FGF12: variants seen among roughly 807,000 people sequenced by gnomAD.
FGF12 encodes the protein fibroblast growth factor 12, also known as fibroblast growth factor 12B.
In FGF12, 14 loss-of-function variants were observed where a neutral mutation model predicts 23.6. The ratio of observed to expected loss-of-function variants is 0.59; its 90% CI spans 0.39 to 0.93. The LOEUF (loss-of-function observed/expected upper bound fraction) is 0.93, where lower values mean the gene tolerates loss of function less well. Among genes scored for constraint, FGF12 ranks in the 40% least tolerant of loss-of-function variants. FGF12 has a pLI of 0.00. For missense variants in FGF12, 175 were observed against 217.8 expected, an observed-to-expected ratio of 0.80 and a Z score of 1.24; for synonymous variants, 62 against 77.3, an observed-to-expected ratio of 0.80 and a Z score of 1.04.
chr3:192,164,153 A>G (rs909983920), intron 5 of FGF12, among the ~76,000 whole-genome samples: 6 of 152,086 alleles, frequency 3.9e-5, no homozygotes, highest in Non-Finnish European at 7.4e-5. Context: ...GTTCTTTGTC[A>G]AAGAGTATTT....
rs549627337 is a variant in FGF12, at chr3:192,161,376, A to G, written c.427+9082T>C. Among the ~76,000 whole-genome samples the G allele has an allele frequency of 3.9e-4, 60 of 152,252 alleles. No individual in the cohort carries two copies. The South Asian group carries it at 0.012, about 31-fold the overall frequency. The stretch of plus-strand genomic sequence containing the variant: ...ATGAGAAATACCCGGATGTTCTAAG[A>G]ATACACATTTGTATCTATGTCTTGC... On this transcript the variant is annotated intron_variant, in intron 5 of 5. Transcript: ENST00000445105.
intron 2 of FGF12, among the ~76,000 whole-genome samples, chr3:192,720,633 C>A (rs1003434565): frequency 6.6e-6 from 1 of 152,162 alleles, no homozygotes; most frequent in Non-Finnish European, 1.5e-5. Flanking sequence ...TATCTATTTT[C>A]AATCCCAAGT....
chr3:192,407,328 G>A (rs1721003547), intron 2 of FGF12, among the ~76,000 whole-genome samples: 1 of 152,164 alleles, frequency 6.6e-6, no homozygotes, highest in Non-Finnish European at 1.5e-5. Flanking sequence ...AGTGTGCTAA[G>A]TATGGTAATA....
intron 2 of FGF12, among the ~76,000 whole-genome samples, chr3:192,713,916 T>G (rs1718776704): frequency 6.6e-6 from 1 of 152,208 alleles, no homozygotes; most frequent in South Asian, 2.1e-4. Context: ...TACACTGAGC[T>G]ACAACTAAAG....
intron 2 of FGF12, among the ~76,000 whole-genome samples, chr3:192,643,797 C>G (rs1167361001): frequency 6.6e-6 from 1 of 152,144 alleles, no homozygotes; most frequent in Non-Finnish European, 1.5e-5. Flanking sequence ...AGGGAAACTT[C>G]TTGGCATCTG....
intron 2 of FGF12, among the ~76,000 whole-genome samples, chr3:192,391,795 T>A (rs777653167): frequency 6.6e-6 from 1 of 152,222 alleles, no homozygotes; most frequent in Non-Finnish European, 1.5e-5. Context: ...TACCTGACCA[T>A]GTTTCTCTGA....
intron 2 of FGF12, among the ~76,000 whole-genome samples, chr3:192,666,507 A>C (rs1716877760): frequency 6.6e-6 from 1 of 152,238 alleles, no homozygotes; most frequent in South Asian, 2.1e-4. Flanking sequence ...CAAATATACT[A>C]TAAACAAGTG....
At chr3:192,573,743 A>G (rs1236151325) in intron 2 of FGF12, among the ~76,000 whole-genome samples, 2 of 152,200 alleles carry the variant, frequency 1.3e-5, no homozygotes, top group Non-Finnish European at 2.9e-5. Flanking sequence ...AATAAAACCC[A>G]ACCAAATTTG....
intron 2 of FGF12, among the ~76,000 whole-genome samples, chr3:192,638,845 T>C (rs1316907511): frequency 2.0e-5 from 3 of 152,150 alleles, no homozygotes; most frequent in African/African-American, 7.2e-5. Flanking sequence ...TCCCAAATGA[T>C]TCCCAGGAGG....
At chr3:192,649,081 C>T (rs1716115158) in intron 2 of FGF12, among the ~76,000 whole-genome samples, 1 of 152,112 alleles carries the variant, frequency 6.6e-6, no homozygotes, top group South Asian at 2.1e-4. Flanking sequence ...AAGTTGAAGG[C>T]TTTTGAGTCA....
chr3:192,469,064 G>A (rs910679488), intron 2 of FGF12, among the ~76,000 whole-genome samples: 14 of 152,062 alleles, frequency 9.2e-5, no homozygotes, highest in African/African-American at 3.4e-4. Context: ...GAGCCTTTAG[G>A]TAGGCTCCTG....
intron 5 of FGF12, among the ~76,000 whole-genome samples, chr3:192,159,943 A>AGTGTGTGT (rs10575323): frequency 3.8e-4 from 57 of 149,322 alleles, no homozygotes; most frequent in Middle Eastern, 3.4e-3. Flanking sequence ...ATATTTAAGT[A>AGTGTGTGT]GTGTGTGTGT....
intron 2 of FGF12, among the ~76,000 whole-genome samples, chr3:192,375,127 A>T (rs566937771): frequency 6.6e-6 from 1 of 152,328 alleles, no homozygotes; most frequent in Non-Finnish European, 1.5e-5. Flanking sequence ...CAATTTGATT[A>T]TCTCATTCAA....
Position 192,336,021 on chromosome 3 carries a change from A to G in FGF12, c.125-557T>C, listed in dbSNP as rs181437743. On this transcript the variant is annotated intron_variant, in intron 3 of 5. Transcript: ENST00000445105. This position sits in a 1 kb window ranked among gnomAD's most constrained non-coding sequence, Gnocchi z 4.3. ...TTTTCTTGATATCTCAATTTTTTACATGTAAATAAACAGAGATAAACAGAT... is the reference window on the plus strand; with the variant it reads ...TTTTCTTGATATCTCAATTTTTTACGTGTAAATAAACAGAGATAAACAGAT... 1.3e-5 allele frequency among the ~76,000 whole-genome samples: 2 copies of G among 152,070 alleles called. No individual in the cohort carries two copies. The highest frequency in any genetic ancestry group is 3.9e-4 in the East Asian group (2 of 5,178).
chr3:192,330,742 C>CA (rs1215966621), intron 4 of FGF12, among the ~76,000 whole-genome samples: 1 of 150,172 alleles, frequency 6.7e-6, no homozygotes, highest in Non-Finnish European at 1.5e-5. Flanking sequence ...AACAAACAAA[C>CA]AAAAAACCTC....
chr3:192,381,394 T>C (rs1464218606), intron 2 of FGF12, among the ~76,000 whole-genome samples: 1 of 152,150 alleles, frequency 6.6e-6, no homozygotes, highest in Non-Finnish European at 1.5e-5. Flanking sequence ...CATCCTAACC[T>C]TGATCTTTCC....
chr3:192,447,760 T>C (rs1722402823), intron 2 of FGF12, among the ~76,000 whole-genome samples: 1 of 152,246 alleles, frequency 6.6e-6, no homozygotes. Flanking sequence ...ATAAATGTTT[T>C]ATTGAAAATA....
At chr3:192,233,066 T>C (rs534491265) in intron 4 of FGF12, among the ~76,000 whole-genome samples, 3 of 152,268 alleles carry the variant, frequency 2.0e-5, no homozygotes, top group African/African-American at 7.2e-5. Context: ...TGGGTGTACA[T>C]TCACTAAAGG....
intron 2 of FGF12, among the ~76,000 whole-genome samples, chr3:192,568,192 T>C (rs1211786813): frequency 6.6e-6 from 1 of 152,176 alleles, no homozygotes; most frequent in Non-Finnish European, 1.5e-5. Context: ...CTAGATAATT[T>C]GGATTGATTT....
Sources: allele counts gnomAD v4.1 joint callset (sites outside exome capture counted in the v4.1 genomes callset), GRCh38; gene constraint gnomAD v4.1.1; non-coding constraint Gnocchi (gnomAD v3.1); transcripts MANE v1.5; gene names NCBI Gene and HGNC (gene_info 2026-07-23, HGNC 2026-07-21).